The following SHISA9 variants were observed in gnomAD, a reference collection of about 807,000 sequenced individuals.
SHISA9 encodes the protein shisa family member 9, also known as protein shisa-9.
Under a neutral mutation model 38.0 loss-of-function variants are expected in SHISA9, and 13 were observed. The observed-to-expected ratio is 0.34, with a 90% CI of 0.22 to 0.54. SHISA9 has a LOEUF of 0.54. SHISA9 is among the 20% of genes least tolerant of loss of function. The pLI is 0.91. For synonymous variants in SHISA9, 275 were observed against 242.0 expected, an observed-to-expected ratio of 1.14 and a Z score of -1.27; for missense variants, 538 against 575.8, an observed-to-expected ratio of 0.93 and a Z score of 0.67.
chr16:12,934,626 A>C (rs1462023959), intron 2 of SHISA9, among the ~76,000 whole-genome samples: 2 of 152,188 alleles, frequency 1.3e-5, no homozygotes, highest in Non-Finnish European at 2.9e-5. Flanking sequence ...GTCTCAAGGC[A>C]ATACATTTTG....
At chr16:13,367,703 C>CAT in the SHISA9 span, among the ~76,000 whole-genome samples, 1 of 120,710 alleles carries the variant, frequency 8.3e-6, no homozygotes, top group Non-Finnish European at 1.7e-5. Flanking sequence ...TGCGTGCGCG[C>CAT]GCGCGCGCGC....
chr16:13,139,258 C>G (rs2050376673), intron 2 of SHISA9, among the ~76,000 whole-genome samples: 1 of 147,774 alleles, frequency 6.8e-6, no homozygotes, highest in Non-Finnish European at 1.5e-5. Context: ...TCTTTTCTTT[C>G]TAATTCCCTT....
the SHISA9 span, among the ~76,000 whole-genome samples, chr16:13,443,636 A>G: frequency 6.6e-6 from 1 of 152,154 alleles, no homozygotes; most frequent in African/African-American, 2.4e-5. Context: ...CCAAGCCCCT[A>G]TGTTTTTATT....
At chr16:13,169,275 T>C (rs1045551447) in intron 2 of SHISA9, among the ~76,000 whole-genome samples, 9 of 152,188 alleles carry the variant, frequency 5.9e-5, no homozygotes, top group Non-Finnish European at 1.3e-4. Flanking sequence ...AGTTGATTAG[T>C]TCATTACGAA....
intron 2 of SHISA9, among the ~76,000 whole-genome samples, chr16:13,200,985 A>T (rs1392381347): frequency 7.4e-6 from 1 of 135,312 alleles, no homozygotes; most frequent in Non-Finnish European, 1.6e-5. Context: ...GTTCAGATGC[A>T]TGTGACTTTG....
the SHISA9 span, among the ~76,000 whole-genome samples, chr16:13,354,116 G>C: frequency 6.7e-6 from 1 of 149,684 alleles, no homozygotes; most frequent in Non-Finnish European, 1.5e-5. Flanking sequence ...GCAAATCCTC[G>C]AGCTTGATGT....
chr16:13,316,747 G>A, the SHISA9 span, among the ~76,000 whole-genome samples: 1 of 152,162 alleles, frequency 6.6e-6, no homozygotes, highest in Admixed American at 6.5e-5. Flanking sequence ...TCAATATAGT[G>A]TTAGCTCATT....
At chr16:13,374,304 T>C in the SHISA9 span, among the ~76,000 whole-genome samples, 1 of 152,162 alleles carries the variant, frequency 6.6e-6, no homozygotes, top group Non-Finnish European at 1.5e-5. Flanking sequence ...TTCCTAATGC[T>C]ATCCCTCCCC....
the SHISA9 span, among the ~76,000 whole-genome samples, chr16:13,552,355 A>G: frequency 2.1e-3 from 315 of 151,864 alleles, 2 homozygotes; most frequent in African/African-American, 7.3e-3. Flanking sequence ...ACTTTGGAGG[A>G]AATGCATTCC....
the SHISA9 span, among the ~76,000 whole-genome samples, chr16:13,275,491 T>C: frequency 6.6e-6 from 1 of 152,156 alleles, no homozygotes; most frequent in Non-Finnish European, 1.5e-5. Context: ...GAGTTCGATG[T>C]AGTAATATTT....
At chr16:13,090,376 TG>T (rs1437401757) in intron 2 of SHISA9, among the ~76,000 whole-genome samples, 1 of 152,208 alleles carries the variant, frequency 6.6e-6, no homozygotes, top group Non-Finnish European at 1.5e-5. Context: ...TCTGTCTCAC[TG>T]ATCTGTCTAA....
At chr16:13,368,894 A>G in the SHISA9 span, among the ~76,000 whole-genome samples, 1 of 152,216 alleles carries the variant, frequency 6.6e-6, no homozygotes, top group Non-Finnish European at 1.5e-5. Context: ...GAATATGCAT[A>G]CATGTGGTAT....
chr16:13,209,303 G>A (rs1352282673), intron 3 of SHISA9, among the ~76,000 whole-genome samples: 1 of 152,046 alleles, frequency 6.6e-6, no homozygotes, highest in East Asian at 1.9e-4. Context: ...GAGGGAGAAA[G>A]GGTTGGTTCC....
chr16:13,534,770 G>C, the SHISA9 span, among the ~76,000 whole-genome samples: 1 of 152,038 alleles, frequency 6.6e-6, no homozygotes, highest in Admixed American at 6.6e-5. Context: ...AATGTTCCAA[G>C]GTGTAGTCGT....
chr16:13,056,217 G>T (rs2141904674), intron 2 of SHISA9, among the ~76,000 whole-genome samples: 1 of 152,328 alleles, frequency 6.6e-6, no homozygotes, highest in Admixed American at 6.5e-5. Context: ...GAGAACAGAG[G>T]AAGCATGCAT....
At chr16:13,314,659 A>T in the SHISA9 span, among the ~76,000 whole-genome samples, 9 of 152,134 alleles carry the variant, frequency 5.9e-5, no homozygotes, top group African/African-American at 2.2e-4. Flanking sequence ...CTGTGAACCC[A>T]TCGCCACAAT....
intron 2 of SHISA9, among the ~76,000 whole-genome samples, chr16:13,072,182 G>A (rs552660748): frequency 5.3e-5 from 8 of 152,366 alleles, no homozygotes; most frequent in African/African-American, 1.9e-4. Context: ...TCCTCAAAGT[G>A]TCAAAGCCAC....
chr16:13,260,770 T>C, the SHISA9 span, among the ~76,000 whole-genome samples: 2 of 152,204 alleles, frequency 1.3e-5, no homozygotes, highest in Admixed American at 6.5e-5. Flanking sequence ...CATTTTTGGG[T>C]ATCTTTTCAG....
At chr16:13,223,069 GATC>G (rs1406035233) in intron 4 of SHISA9, among the ~76,000 whole-genome samples, 1 of 152,094 alleles carries the variant, frequency 6.6e-6, no homozygotes, top group Non-Finnish European at 1.5e-5. Context: ...TTTGAACCCA[GATC>G]CATCTGCTGT....
Sources: allele counts gnomAD v4.1 joint callset (sites outside exome capture counted in the v4.1 genomes callset), GRCh38; gene constraint gnomAD v4.1.1; transcripts MANE v1.5; gene names NCBI Gene and HGNC (gene_info 2026-07-23, HGNC 2026-07-21).